The following KIFC1 variants were observed in gnomAD, a reference collection of about 807,000 sequenced individuals.
The protein encoded by KIFC1 is kinesin family member C1.
In KIFC1, 37 loss-of-function variants were observed where a neutral mutation model predicts 66.6. The ratio of observed to expected loss-of-function variants is 0.56; its 90% CI spans 0.43 to 0.73. The LOEUF is 0.73. KIFC1 is among the 30% of genes least tolerant of loss of function. The pLI, the probability that KIFC1 is intolerant of heterozygous loss-of-function variation, is 0.00. For synonymous variants in KIFC1, 325 were observed against 343.5 expected (o/e 0.95, Z 0.60); for missense variants, 721 against 859.8 (o/e 0.84, Z 2.02).
chr6:33,403,946 T>C lies in KIFC1; in HGVS notation c.573T>C (p.His191=). 6.2e-7 allele frequency: 1 copy of C among 1,614,158 alleles called. No homozygotes were observed. Among genetic ancestry groups the C allele is most frequent in the Non-Finnish European group, 8.5e-7 (1 of 1,180,020 alleles). The change falls in exon 6 of 11, where the codon CAT becomes CAC. Residue 191 remains histidine, a synonymous_variant. Transcript: ENST00000428849. The surrounding 1 kb of genome is among the most constrained non-coding windows in gnomAD (Gnocchi z 4.6). ...CAGAGCGCACAACACTGGAGGGGCA[T>C]TTAGCCAAGGTACAGGCCCAGGCTG... is the stretch of plus-strand genomic sequence containing the variant. ...LGTERTTLEG[H]LAKVQAQAEQ...
At chr6:33,399,011 A>C (rs1399033944) in intron 3 of KIFC1, among the ~76,000 whole-genome samples, 1 of 152,200 alleles carries the variant, frequency 6.6e-6, no homozygotes, top group Non-Finnish European at 1.5e-5. Context: ...CTTAATCCAA[A>C]TTGCTTTTTG....
chr6:33,405,924 C>T lies in KIFC1; in HGVS notation c.1537-272C>T, dbSNP rs988677147. On this transcript the variant is annotated intron_variant, in intron 7 of 10. Coordinates refer to ENST00000428849, the MANE Select transcript of KIFC1 (RefSeq NM_002263.4). The surrounding 1 kb of genome is among the most constrained non-coding windows in gnomAD (Gnocchi z 5.4). ...GGCCTCCTGGCTGTTCCTCAACCAG[C>T]TAGTCGTGCTCCCCATCTCAGGGCC... Among the ~76,000 whole-genome samples, 7 of 152,168 alleles carry T rather than the reference C, an allele frequency of 4.6e-5. No individual in the cohort carries two copies. Among genetic ancestry groups the T allele is most frequent in the African/African-American group, 1.4e-4 (6 of 41,424 alleles).
rs775902554 is a variant in KIFC1 at position 33,403,843 on chromosome 6, C to T, written c.470C>T (p.Thr157Ile). 7 of 1,614,220 alleles carry T rather than the reference C, an allele frequency of 4.3e-6. No individual in the cohort carries two copies. Among genetic ancestry groups the T allele is most frequent in the South Asian group, 3.3e-5 (3 of 91,090 alleles). The change falls in exon 6 of 11, where the codon ACT becomes ATT. Residue 157 changes from threonine to isoleucine, a missense_variant. Transcript: ENST00000428849. The surrounding 1 kb of genome is among the most constrained non-coding windows in gnomAD (Gnocchi z 4.6). ...NAELKRCRERTQTLDQENQQL... is the reference protein window; with the variant it reads ...NAELKRCRERIQTLDQENQQL... ...GAACTAAAACGGTGCCGTGAGAGGA[C>T]TCAAACGTTGGACCAAGAGAACCAG...
In KIFC1 at chr6:33,398,047, G is replaced by A. The variant is rs764704679; in HGVS notation, c.31G>A (p.Val11Ile). The part of the protein sequence containing the change: MDPQRSPLLE[V>I]KGNIELKRPL... ...CCAACAGAGGTCCCCCCTATTGGAA[G>A]TAAAGGGGAACATAGAACTGAAGAG... is the stretch of plus-strand genomic sequence containing the variant. The change falls in exon 2 of 11, where the codon GTA (valine) becomes ATA (isoleucine). Residue 11 changes from valine (V) to isoleucine (I), a missense_variant. Transcript: ENST00000428849. The A allele has an allele frequency of 1.1e-5, 18 of 1,614,100 alleles. No homozygotes were observed. The South Asian group carries it at 2.0e-4, about 18-fold the overall frequency.
intron 1 of KIFC1, among the ~76,000 whole-genome samples, chr6:33,395,495 G>A (rs1774988184): frequency 6.6e-6 from 1 of 151,960 alleles, no homozygotes; most frequent in Non-Finnish European, 1.5e-5. Context: ...ATCTTGTGGT[G>A]AGGTGGATGT....
intron 1 of KIFC1, among the ~76,000 whole-genome samples, chr6:33,395,223 G>A (rs1774975201): frequency 6.6e-6 from 1 of 152,112 alleles, no homozygotes; most frequent in African/African-American, 2.4e-5. Flanking sequence ...TGCGAAAGGC[G>A]GCAAGGAAAA....
chr6:33,404,914 G>T lies in KIFC1; in HGVS notation c.819G>T (p.Arg273=), dbSNP rs1460809042. 1.2e-6 allele frequency: 2 copies of T among 1,614,042 alleles called. No individual in the cohort carries two copies. The highest frequency in any genetic ancestry group is 2.2e-5 in the South Asian group (2 of 91,080). ...GCCAAGCAGAGGTGGCATCTCTGCG[G>T]CAGGAGACTGTGGCCCAGGCAGCCT... is the stretch of plus-strand genomic sequence containing the variant. ...SSSQAEVASL[R]QETVAQAALL... Residue 273 remains arginine (R), a synonymous_variant, in exon 7 of 11, where the codon CGG becomes CGT. Coordinates refer to ENST00000428849, the MANE Select transcript of KIFC1 (RefSeq NM_002263.4). This position sits in a 1 kb window ranked among gnomAD's most constrained non-coding sequence, Gnocchi z 4.0.
At chr6:33,392,616 C>T (rs935294213) in intron 1 of KIFC1, among the ~76,000 whole-genome samples, 1 of 152,194 alleles carries the variant, frequency 6.6e-6, no homozygotes, top group African/African-American at 2.4e-5. Flanking sequence ...TATGCAGCTT[C>T]CTGTCTCCAG....
In KIFC1 at chr6:33,403,406, G is replaced by C. The variant is rs775258616; in HGVS notation, c.304+39G>C. On this transcript the variant is annotated intron_variant, in intron 4 of 10. Transcript: ENST00000428849. This position sits in a 1 kb window ranked among gnomAD's most constrained non-coding sequence, Gnocchi z 4.6. ...AGAGCTGGGTCTGAGAAGGGATTTGGGGTATGTGTAAAGGGAGAATGATGG... is the reference window on the plus strand; with the variant it reads ...AGAGCTGGGTCTGAGAAGGGATTTGCGGTATGTGTAAAGGGAGAATGATGG... 1.9e-5 allele frequency: 31 copies of C among 1,611,840 alleles called. No homozygotes were observed. In the Middle Eastern group the frequency reaches 1.2e-3, roughly 60 times the overall value.
chr6:33,402,431 A>T (rs932622385), intron 3 of KIFC1, among the ~76,000 whole-genome samples: 1 of 152,194 alleles, frequency 6.6e-6, no homozygotes, highest in African/African-American at 2.4e-5. Flanking sequence ...GATGATTTAA[A>T]GTATATGCGG....
At chr6:33,393,434 CTTT>C (rs71536188) in intron 1 of KIFC1, among the ~76,000 whole-genome samples, 1,143 of 82,520 alleles carry the variant, frequency 0.014, 7 homozygotes, top group Middle Eastern at 0.052. Flanking sequence ...GCACCATTGC[CTTT>C]TTTTTTTTTT....
rs1441924097 is a variant in KIFC1, at chr6:33,392,030, G to C, written c.12+33G>C. 8 of 1,612,700 alleles carry C rather than the reference G, an allele frequency of 5.0e-6. No homozygotes were observed. In the East Asian group the frequency reaches 1.8e-4, roughly 36 times the overall value. On this transcript the variant is annotated intron_variant, in intron 1 of 10. Transcript: ENST00000428849. ...GGGGCGGCGCAGGTGTCCTGCCCTG[G>C]GGATGGGGACGAAGGCTGACCGCTC...
In KIFC1 at chr6:33,403,523, C is replaced by G. The variant is rs1399547267; in HGVS notation, c.343C>G (p.Gln115Glu). ...GAAGCCAGTTCCTGCTGTTCCTGTCCAGAAGTCTGGCAGTAAGTGACAAAC... is the reference window on the plus strand; with the variant it reads ...GAAGCCAGTTCCTGCTGTTCCTGTCGAGAAGTCTGGCAGTAAGTGACAAAC... ...NQKPVPAVPV[Q>E]KSGTSGVPPM... is the part of the protein sequence containing the mutation. The change falls in exon 5 of 11, where the codon CAG (glutamine) becomes GAG (glutamate). Residue 115 changes from glutamine to glutamate, a missense_variant. Gln to Glu is a conservative substitution (Grantham distance 29, BLOSUM62 2). Transcript: ENST00000428849. This position sits in a 1 kb window ranked among gnomAD's most constrained non-coding sequence, Gnocchi z 4.6. The G allele has an allele frequency of 6.2e-7, 1 of 1,614,134 alleles. No individual in the cohort carries two copies. Among genetic ancestry groups the G allele is most frequent in the Non-Finnish European group, 8.5e-7 (1 of 1,179,990 alleles).
Position 33,405,417 on chromosome 6 carries a change from T to C in KIFC1, c.1322T>C (p.Leu441Pro), listed in dbSNP as rs1191062294. Residue 441 changes from leucine (L) to proline (P), a missense_variant, in exon 7 of 11, where the codon CTC (leucine) becomes CCC (proline). Physicochemically the swap from Leu to Pro is moderately conservative, Grantham distance 98. Transcript: ENST00000428849. This position sits in a 1 kb window ranked among gnomAD's most constrained non-coding sequence, Gnocchi z 5.4. The part of the protein sequence containing the change: ...EGLIPRALRH[L>P]FSVAQELSGQ... ...CTGATCCCTCGGGCCCTGCGGCACC[T>C]CTTCTCTGTGGCTCAGGAGCTGAGT... 1 of 1,604,534 alleles carries C rather than the reference T, an allele frequency of 6.2e-7. No homozygotes were observed. The highest frequency in any genetic ancestry group is 8.5e-7 in the Non-Finnish European group (1 of 1,174,020).
chr6:33,409,569 G>A, intron 10 of KIFC1, 77 bp from the exon 11 acceptor site: 2 of 1,401,076 alleles, frequency 1.4e-6, no homozygotes, highest in South Asian at 1.2e-5. Context: ...CCTAGCATTG[G>A]AGGATGGGAG....
chr6:33,398,049 A>G lies in KIFC1; in HGVS notation c.33A>G (p.Val11=). 1 of 1,614,046 alleles carries G rather than the reference A, an allele frequency of 6.2e-7. No individual in the cohort carries two copies. The highest frequency in any genetic ancestry group is 2.2e-5 in the East Asian group (1 of 44,876). The change falls in exon 2 of 11, where the codon GTA becomes GTG. Residue 11 remains valine, a synonymous_variant. Coordinates refer to ENST00000428849, the MANE Select transcript of KIFC1 (RefSeq NM_002263.4). ...AACAGAGGTCCCCCCTATTGGAAGTAAAGGGGAACATAGAACTGAAGAGAC... is the reference window on the plus strand; with the variant it reads ...AACAGAGGTCCCCCCTATTGGAAGTGAAGGGGAACATAGAACTGAAGAGAC... The part of the protein sequence containing the change: MDPQRSPLLE[V]KGNIELKRPL...
chr6:33,405,190 T>A lies in KIFC1; in HGVS notation c.1095T>A (p.Ala365=). Residue 365 remains alanine (A), a synonymous_variant, in exon 7 of 11, where the codon GCT becomes GCA. Transcript: ENST00000428849. This position sits in a 1 kb window ranked among gnomAD's most constrained non-coding sequence, Gnocchi z 5.4. ...GTGGGACCCTGAGTGGGGCACCAGC[T>A]CCCCCAACTCGCCATGATTTTTCCT... ...ERRGTLSGAP[A]PPTRHDFSFD... is the part of the protein sequence containing the mutation. 1.2e-6 allele frequency: 2 copies of A among 1,614,066 alleles called. No homozygotes were observed. The highest frequency in any genetic ancestry group is 1.7e-6 in the Non-Finnish European group (2 of 1,180,012).
At position 33,400,498 on chromosome 6, in the gene KIFC1, C is replaced by T. The variant is rs761900647; in HGVS notation, c.250+2111C>T. ...CAGGGCAGAAGTGGCACCGACTTCACCTCTGGTGCACCTCAGGTATACGAC... is the reference window on the plus strand; with the variant it reads ...CAGGGCAGAAGTGGCACCGACTTCATCTCTGGTGCACCTCAGGTATACGAC... On this transcript the variant is annotated intron_variant, in intron 3 of 10. Transcript: ENST00000428849. The surrounding 1 kb of genome is among the most constrained non-coding windows in gnomAD (Gnocchi z 4.3). 1 of 1,598,692 alleles carries T rather than the reference C, an allele frequency of 6.3e-7. No individual in the cohort carries two copies. The highest frequency in any genetic ancestry group is 1.1e-5 in the South Asian group (1 of 90,638).
intron 1 of KIFC1, among the ~76,000 whole-genome samples, chr6:33,394,131 G>A (rs180857865): frequency 1.3e-5 from 2 of 152,276 alleles, no homozygotes; most frequent in East Asian, 3.9e-4. Context: ...GCATCTGACA[G>A]TGTACAGGAC....
Sources: gnomAD v4.1 joint callset for allele counts (sites outside exome capture counted in the v4.1 genomes callset) on GRCh38, gnomAD v4.1.1 for gene constraint, Gnocchi (gnomAD v3.1) non-coding constraint, MANE v1.5 for transcripts, NCBI Gene and HGNC (gene_info 2026-07-23, HGNC 2026-07-21) for gene names.